Variants in ELFN1 observed in about 807,000 individuals in gnomAD.
The protein encoded by ELFN1 is extracellular leucine rich repeat and fibronectin type III domain containing 1.
In ELFN1, 6 loss-of-function variants were observed where a neutral mutation model predicts 7.6. That is an observed-to-expected ratio of 0.79 (90% CI 0.43 to 1.56). ELFN1 has a LOEUF of 1.56. ELFN1 is among the 40% of genes most tolerant of loss of function. The pLI is 0.01. For missense variants in ELFN1, 1,169 were observed against 1,232.2 expected, an observed-to-expected ratio of 0.95 and a Z score of 0.77; for synonymous variants, 657 against 588.1, an observed-to-expected ratio of 1.12 and a Z score of -1.70.
intron 3 of ELFN1, among the ~76,000 whole-genome samples, chr7:1,732,176 C>T (rs1442926891): frequency 2.6e-5 from 4 of 152,140 alleles, no homozygotes; most frequent in Admixed American, 1.3e-4. Context: ...AGGGGAGGTT[C>T]CAGCCCCAAT....
intron 1 of ELFN1, among the ~76,000 whole-genome samples, chr7:1,685,017 T>C (rs1483653637): frequency 6.6e-6 from 1 of 152,238 alleles, no homozygotes; most frequent in Non-Finnish European, 1.5e-5. Flanking sequence ...CTTCTCTTGG[T>C]ATTTCTTCTA....
At chr7:1,677,094 C>T (rs777695851) in intron 1 of ELFN1, among the ~76,000 whole-genome samples, 2 of 152,224 alleles carry the variant, frequency 1.3e-5, no homozygotes, top group Non-Finnish European at 2.9e-5. Context: ...ATTGGAGCTA[C>T]ATTCCTATAG....
chr7:1,729,570 G>A (rs1017223764), intron 3 of ELFN1, among the ~76,000 whole-genome samples: 1 of 152,220 alleles, frequency 6.6e-6, no homozygotes, highest in African/African-American at 2.4e-5. Flanking sequence ...GCTAGGGGCT[G>A]TGCCCAGGAC....
intron 3 of ELFN1, among the ~76,000 whole-genome samples, 159 bp from the exon 4 acceptor site, chr7:1,744,145 G>A (rs34170521): frequency 0.15 from 23,071 of 152,180 alleles, 2,175 homozygotes; most frequent in South Asian, 0.27. Flanking sequence ...TGAGGAAGGA[G>A]CTTCTGTTTT....
At chr7:1,670,135 G>A (rs1157833604), upstream of ELFN1, among the ~76,000 whole-genome samples, 2 of 148,118 alleles carry the variant, frequency 1.4e-5, no homozygotes, top group Non-Finnish European at 3.0e-5. The surrounding 1 kb of genome is among the most constrained non-coding windows in gnomAD (Gnocchi z 6.4). Flanking sequence ...GCGGGCGAGG[G>A]AGCGAGGGAG....
At chr7:1,713,024 T>C (rs973777296) in intron 3 of ELFN1, among the ~76,000 whole-genome samples, 3 of 152,220 alleles carry the variant, frequency 2.0e-5, no homozygotes, top group African/African-American at 7.2e-5. Flanking sequence ...GGAACACCGA[T>C]GCTGCATCCA....
intron 3 of ELFN1, among the ~76,000 whole-genome samples, chr7:1,710,538 G>C (rs1779627393): frequency 6.6e-6 from 1 of 152,226 alleles, no homozygotes; most frequent in African/African-American, 2.4e-5. Context: ...CCAACAGCTT[G>C]TAGCATCTCC....
chr7:1,708,963 T>G (rs1213037081), intron 2 of ELFN1, 128 bp from the exon 3 acceptor site: 3 of 152,220 alleles, frequency 2.0e-5, no homozygotes, highest in African/African-American at 7.2e-5. Flanking sequence ...AGGTGTGACG[T>G]ACCTGCAGTC....
At chr7:1,696,526 G>A (rs1779317893) in intron 2 of ELFN1, among the ~76,000 whole-genome samples, 1 of 151,988 alleles carries the variant, frequency 6.6e-6, no homozygotes, top group Admixed American at 6.6e-5. Context: ...ATAGTAGCTG[G>A]GACCACAGGT....
At chr7:1,713,674 G>A (rs1024709148) in intron 3 of ELFN1, among the ~76,000 whole-genome samples, 1 of 152,144 alleles carries the variant, frequency 6.6e-6, no homozygotes, top group Non-Finnish European at 1.5e-5. Context: ...AGCAGGGCCT[G>A]GGAGCCCATG....
At chr7:1,703,731 G>A (rs898181196) in intron 2 of ELFN1, among the ~76,000 whole-genome samples, 6 of 152,152 alleles carry the variant, frequency 3.9e-5, no homozygotes, top group South Asian at 2.1e-4. Flanking sequence ...TAATTACCAC[G>A]GGGACAATCC....
At chr7:1,731,180 T>C (rs1780318429) in intron 3 of ELFN1, among the ~76,000 whole-genome samples, 1 of 151,710 alleles carries the variant, frequency 6.6e-6, no homozygotes, top group Non-Finnish European at 1.5e-5. Context: ...AAAACAAGAG[T>C]GGTGAGATGT....
At chr7:1,675,421 C>T (rs1778850071) in intron 1 of ELFN1, among the ~76,000 whole-genome samples, 1 of 152,254 alleles carries the variant, frequency 6.6e-6, no homozygotes, top group South Asian at 2.1e-4. Flanking sequence ...CGGAATCCTT[C>T]CTGGGATGGA....
chr7:1,666,638 AG>A (rs1354067489), upstream of ELFN1, among the ~76,000 whole-genome samples: 2 of 149,300 alleles, frequency 1.3e-5, no homozygotes, highest in Non-Finnish European at 3.0e-5. This position sits in a 1 kb window ranked among gnomAD's most constrained non-coding sequence, Gnocchi z 7.9. Context: ...GGGCAGAAAG[AG>A]GGGGAGGGGG....
chr7:1,680,678 T>A (rs1336383237), intron 1 of ELFN1, among the ~76,000 whole-genome samples: 1 of 151,632 alleles, frequency 6.6e-6, no homozygotes, highest in African/African-American at 2.4e-5. Context: ...CCAACTGTAG[T>A]CAGCACCCCC....
chr7:1,721,485 G>A (rs745336230), intron 3 of ELFN1, among the ~76,000 whole-genome samples: 16 of 152,242 alleles, frequency 1.1e-4, no homozygotes, highest in Admixed American at 2.0e-4. Context: ...ATGCCCTAGC[G>A]TGGCGTCTGG....
In ELFN1 at chr7:1,670,434, C is replaced by A. The variant is rs956454551; in HGVS notation, c.-549+80C>A. Among the ~76,000 whole-genome samples the A allele has an allele frequency of 6.6e-6, 1 of 151,468 alleles. No homozygotes were observed. Among genetic ancestry groups the A allele is most frequent in the Non-Finnish European group, 1.5e-5 (1 of 67,784 alleles). On this transcript the variant is annotated intron_variant, in intron 1 of 3. Coordinates refer to ENST00000424383, the MANE Select transcript of ELFN1 (RefSeq NM_001128636.4). The surrounding 1 kb of genome is among the most constrained non-coding windows in gnomAD (Gnocchi z 6.4). ...CCCCCGGGGAGCGGCGCGGCCAAGCCCCCCGCCACCTCGAACCCCGGGCGT... is the reference window on the plus strand; with the variant it reads ...CCCCCGGGGAGCGGCGCGGCCAAGCACCCCGCCACCTCGAACCCCGGGCGT...
intron 1 of ELFN1, among the ~76,000 whole-genome samples, chr7:1,675,633 G>C (rs1778855071): frequency 6.6e-6 from 1 of 152,228 alleles, no homozygotes; most frequent in African/African-American, 2.4e-5. Context: ...CCGAGGAGCG[G>C]GGTCTGGAAA....
chr7:1,684,545 G>A (rs1157119705), intron 1 of ELFN1, among the ~76,000 whole-genome samples: 1 of 151,960 alleles, frequency 6.6e-6, no homozygotes, highest in East Asian at 1.9e-4. Flanking sequence ...CTTTTCTCCT[G>A]TGCTGCCTTC....
Sources: gnomAD v4.1 joint callset for allele counts (sites outside exome capture counted in the v4.1 genomes callset) on GRCh38, gnomAD v4.1.1 for gene constraint, Gnocchi (gnomAD v3.1) non-coding constraint, MANE v1.5 for transcripts, NCBI Gene and HGNC (gene_info 2026-07-23, HGNC 2026-07-21) for gene names.